The following CRHR2 variants were observed in gnomAD, a reference collection of about 807,000 sequenced individuals.
The protein encoded by CRHR2 is corticotropin releasing hormone receptor 2.
In CRHR2, 53 loss-of-function variants were observed where a neutral mutation model predicts 57.9. The ratio of observed to expected loss-of-function variants is 0.92; its 90% CI spans 0.73 to 1.15. The LOEUF is 1.15. CRHR2 is among the 50% of genes most tolerant of loss of function. The pLI is 0.00. For synonymous variants in CRHR2, 213 were observed against 220.9 expected (o/e 0.96, Z 0.32); for missense variants, 532 against 542.6 (o/e 0.98, Z 0.19).
At chr7:30,663,022 A>G (rs1784072820) in intron 5 of CRHR2, among the ~76,000 whole-genome samples, 175 bp from the exon 6 acceptor site, 1 of 152,186 alleles carries the variant, frequency 6.6e-6, no homozygotes, top group South Asian at 2.1e-4. Context: ...GCTCTTTCAC[A>G]CTTTCAGATT....
chr7:30,691,127 C>T (rs372103527), intron 1 of CRHR2, among the ~76,000 whole-genome samples: 16 of 152,338 alleles, frequency 1.1e-4, no homozygotes, highest in African/African-American at 3.8e-4. Flanking sequence ...GACACTGAGA[C>T]CTTCCAGGAA....
In CRHR2 at chr7:30,653,243, AT is replaced by A; in HGVS notation, c.*216del. ...TGGCTCTTCTCAGGGGGTCCTGTGA[AT>A]TCCCTCTGCTTCCTCTTGCGCTGAG... is the stretch of plus-strand genomic sequence containing the variant. On this transcript the variant is annotated 3_prime_UTR_variant, in exon 12 of 12. Transcript: ENST00000471646. The surrounding 1 kb of genome is among the most constrained non-coding windows in gnomAD (Gnocchi z 5.0). 1.7e-6 allele frequency: 1 copy of A among 588,220 alleles called. No homozygotes were observed. The highest frequency in any genetic ancestry group is 2.9e-6 in the Non-Finnish European group (1 of 346,994). 36.4% of individuals were successfully genotyped at this position (588,220 alleles called of 1,614,324 possible).
intron 2 of CRHR2, among the ~76,000 whole-genome samples, chr7:30,688,537 G>A (rs1317359837): frequency 6.6e-6 from 1 of 152,260 alleles, no homozygotes; most frequent in Admixed American, 6.5e-5. Context: ...GGCAGTGCCT[G>A]TAGGCTGGGT....
upstream of CRHR2, among the ~76,000 whole-genome samples, chr7:30,685,583 C>T (rs1321885875): frequency 1.3e-5 from 2 of 152,066 alleles, no homozygotes; most frequent in Admixed American, 1.3e-4. Context: ...GGCCAGGCAC[C>T]CCCTCCTCAC....
intron 5 of CRHR2, 148 bp downstream of exon 5, chr7:30,664,921 TA>T: frequency 1.5e-6 from 1 of 649,094 alleles, no homozygotes; most frequent in Non-Finnish European, 2.8e-6. Context: ...CTTGTAAGAG[TA>T]AAAGCTGCTC....
intron 2 of CRHR2, among the ~76,000 whole-genome samples, chr7:30,669,161 G>A (rs994118456): frequency 3.3e-5 from 5 of 152,106 alleles, no homozygotes; most frequent in Non-Finnish European, 5.9e-5. Context: ...TGCTTCAAAG[G>A]GCAGAAAAAT....
intron 1 of CRHR2, chr7:30,699,919 G>T (rs987488738): frequency 8.1e-5 from 121 of 1,495,470 alleles, no homozygotes; most frequent in Admixed American, 2.3e-4. Context: ...GCCCCACCTC[G>T]TGGACTCCCA....
chr7:30,676,317 A>T (rs968858462), intron 2 of CRHR2, among the ~76,000 whole-genome samples: 2 of 152,146 alleles, frequency 1.3e-5, no homozygotes, highest in African/African-American at 4.8e-5. Context: ...CTCTCCCAGC[A>T]GGGAAGTTGT....
intron 6 of CRHR2, 38 bp from the exon 7 acceptor site, chr7:30,662,254 G>T: frequency 6.2e-7 from 1 of 1,608,564 alleles, no homozygotes; most frequent in South Asian, 1.1e-5. Context: ...GGGGACAGAT[G>T]GACAGGGACT....
At position 30,690,187 on chromosome 7, in the gene CRHR2, G is replaced by A. The variant is rs539769756; in HGVS notation, c.-260-903C>T. ...TACGGCATGTACGATTTACTGAGGAGGGCAGGGGTAGCATCACAGAAGAGG... is the reference window on the plus strand; with the variant it reads ...TACGGCATGTACGATTTACTGAGGAAGGCAGGGGTAGCATCACAGAAGAGG... On this transcript the variant is annotated intron_variant, in intron 1 of 13. Transcript: ENST00000341843. 1.2e-4 allele frequency among the ~76,000 whole-genome samples: 18 copies of A among 152,290 alleles called. No homozygotes were observed. In the South Asian group the frequency reaches 3.1e-3, roughly 26 times the overall value.
In CRHR2 at chr7:30,653,118, A is replaced by C; in HGVS notation, c.*342T>G. The stretch of plus-strand genomic sequence containing the variant: ...GCAGGGGAGCCCTGTGTCTGCTACT[A>C]TAAATAGCTGTGTGTGTTGGACAGG... On this transcript the variant is annotated 3_prime_UTR_variant, in exon 12 of 12. Coordinates refer to ENST00000471646, the MANE Select transcript of CRHR2 (RefSeq NM_001883.5). The surrounding 1 kb of genome is among the most constrained non-coding windows in gnomAD (Gnocchi z 5.0). The C allele has an allele frequency of 4.4e-6, 1 of 229,712 alleles. No individual in the cohort carries two copies. The highest frequency in any genetic ancestry group is 8.6e-6 in the Non-Finnish European group (1 of 116,642). The allele number at this position is 229,712 out of a possible 1,614,324, so 14.2% of individuals were successfully genotyped here. A position where few individuals can be genotyped will look rare whatever the true frequency, so the allele number is the denominator to read the frequency against.
In CRHR2 at chr7:30,659,938, ATCTC is replaced by A. The variant is rs1017852246; in HGVS notation, c.831+631_831+634del. ...CTTTTTTGTATGTCTTTCTTTCTTT[ATCTC>A]TCTCTCTTTTTTTTAAAGGTATGAT... On this transcript the variant is annotated intron_variant, in intron 8 of 11. Transcript: ENST00000471646. Among the ~76,000 whole-genome samples the A allele has an allele frequency of 7.9e-5, 12 of 152,068 alleles. No homozygotes were observed. In the East Asian group the frequency reaches 1.6e-3, roughly 20 times the overall value.
At chr7:30,670,665 C>G (rs1784327943) in intron 2 of CRHR2, among the ~76,000 whole-genome samples, 1 of 152,212 alleles carries the variant, frequency 6.6e-6, no homozygotes, top group Non-Finnish European at 1.5e-5. Flanking sequence ...TCAGGCACAG[C>G]CTCGGACAGG....
intron 2 of CRHR2, among the ~76,000 whole-genome samples, chr7:30,677,371 A>G (rs533054925): frequency 6.6e-6 from 1 of 152,270 alleles, no homozygotes; most frequent in East Asian, 1.9e-4. Context: ...TGGAATGGGG[A>G]GAGGTGGGAG....
intron 2 of CRHR2, among the ~76,000 whole-genome samples, chr7:30,668,728 G>A (rs1366991771): frequency 6.6e-6 from 1 of 152,206 alleles, no homozygotes; most frequent in Non-Finnish European, 1.5e-5. Flanking sequence ...GGTGCCTGGA[G>A]CTCATCCATT....
At chr7:30,655,304 C>T (rs866075583) in intron 10 of CRHR2, among the ~76,000 whole-genome samples, 12 of 152,144 alleles carry the variant, frequency 7.9e-5, no homozygotes, top group African/African-American at 2.9e-4. Flanking sequence ...CCGGTCTCCT[C>T]AATATTGTGT....
chr7:30,699,982 G>A (rs1286713256), exon 1 of CRHR2: 1 of 1,482,520 alleles, frequency 6.7e-7, no homozygotes, highest in Admixed American at 2.4e-5. Flanking sequence ...AGCAGGCAGA[G>A]GAGGAGGTGT....
chr7:30,697,772 C>T (rs1333689767), intron 1 of CRHR2, among the ~76,000 whole-genome samples: 2 of 152,222 alleles, frequency 1.3e-5, no homozygotes, highest in African/African-American at 4.8e-5. Flanking sequence ...TTACCCCCAA[C>T]CTGCTCCCCT....
chr7:30,681,956 G>C lies in CRHR2; in HGVS notation c.188C>G (p.Pro63Arg), dbSNP rs367906889. The change falls in exon 2 of 12, where the codon CCG (proline) becomes CGG (arginine). Residue 63 changes from proline (P) to arginine (R), a missense_variant. Pro to Arg is a moderately radical substitution (Grantham distance 103). Coordinates refer to ENST00000471646, the MANE Select transcript of CRHR2 (RefSeq NM_001883.5). ...GACGCCGTTGAAGTACTCGGGGCAC[G>C]GCCTCTCCACGAGGGCTCCGGCAGC... ...RSAAGALVER[P>R]CPEYFNGVKY... 2.1e-5 allele frequency: 34 copies of C among 1,611,822 alleles called. No homozygotes were observed. The highest frequency in any genetic ancestry group is 1.6e-4 in the Middle Eastern group (1 of 6,080).
Sources: allele counts gnomAD v4.1 joint callset (sites outside exome capture counted in the v4.1 genomes callset), GRCh38; gene constraint gnomAD v4.1.1; non-coding constraint Gnocchi (gnomAD v3.1); transcripts MANE v1.5; gene names NCBI Gene and HGNC (gene_info 2026-07-23, HGNC 2026-07-21).